The following FAM135B variants were observed in gnomAD, a reference collection of about 807,000 sequenced individuals.
The protein encoded by FAM135B is protein FAM135B.
FAM135B carries 43 observed loss-of-function variants against 127.7 expected under a neutral mutation model. The observed-to-expected ratio is 0.34, with a 90% CI of 0.26 to 0.43. FAM135B has a LOEUF of 0.43. Ranked by LOEUF, FAM135B falls within the 20% of genes least tolerant of loss-of-function variation. The pLI, the probability that FAM135B is intolerant of heterozygous loss-of-function variation, is 1.00. For missense variants in FAM135B, 1,558 were observed against 1,725.6 expected (o/e 0.90, Z 1.72); for synonymous variants, 670 against 665.1 (o/e 1.01, Z -0.11).
chr8:138,206,828 G>T (rs112522795), intron 7 of FAM135B, among the ~76,000 whole-genome samples: 22 of 25,576 alleles, frequency 8.6e-4, no homozygotes, highest in African/African-American at 1.7e-3. Context: ...CACAACTCCA[G>T]CATCCTCTCC....
chr8:138,272,649 C>T (rs1823471366), intron 3 of FAM135B, among the ~76,000 whole-genome samples: 1 of 152,236 alleles, frequency 6.6e-6, no homozygotes, highest in South Asian at 2.1e-4. Flanking sequence ...CTTGATAACA[C>T]TTTATTATCT....
intron 2 of FAM135B, among the ~76,000 whole-genome samples, chr8:138,330,223 T>G (rs915634220): frequency 6.6e-6 from 1 of 152,158 alleles, no homozygotes; most frequent in Non-Finnish European, 1.5e-5. Context: ...TAACCTGTAA[T>G]CAAAGTGTCG....
chr8:138,258,723 T>C (rs1367976618), intron 4 of FAM135B, among the ~76,000 whole-genome samples: 1 of 152,036 alleles, frequency 6.6e-6, no homozygotes, highest in Non-Finnish European at 1.5e-5. Flanking sequence ...TATTCCAGAA[T>C]GAAGTCACTG....
At chr8:138,275,862 G>C (rs1823783183) in intron 3 of FAM135B, among the ~76,000 whole-genome samples, 1 of 152,156 alleles carries the variant, frequency 6.6e-6, no homozygotes, top group Non-Finnish European at 1.5e-5. Flanking sequence ...GCTTTGTGCT[G>C]TATCCCGGCC....
At chr8:138,204,518 G>A (rs1003744989) in intron 7 of FAM135B, among the ~76,000 whole-genome samples, 6 of 152,172 alleles carry the variant, frequency 3.9e-5, no homozygotes, top group African/African-American at 1.2e-4. Context: ...GAATGAATGA[G>A]TGAGTCATAG....
chr8:138,314,898 A>C (rs1826965169), intron 2 of FAM135B, among the ~76,000 whole-genome samples: 1 of 150,412 alleles, frequency 6.6e-6, no homozygotes, highest in Non-Finnish European at 1.5e-5. Context: ...AAAAAAAAAA[A>C]AAAATTCGAA....
intron 2 of FAM135B, among the ~76,000 whole-genome samples, chr8:138,364,625 C>T (rs931131017): frequency 5.3e-5 from 8 of 152,140 alleles, no homozygotes; most frequent in Admixed American, 3.3e-4. Context: ...ATCTTCTGGG[C>T]GAGTGGTCTC....
At chr8:138,216,540 A>G (rs1586798766) in intron 7 of FAM135B, among the ~76,000 whole-genome samples, 1 of 152,222 alleles carries the variant, frequency 6.6e-6, no homozygotes, top group South Asian at 2.1e-4. Context: ...TGTCTGAGCC[A>G]GGAACATTCA....
chr8:138,351,827 CTA>C (rs1829804488), intron 2 of FAM135B, among the ~76,000 whole-genome samples: 1 of 151,694 alleles, frequency 6.6e-6, no homozygotes, highest in Non-Finnish European at 1.5e-5. Flanking sequence ...GTAGCTGGGA[CTA>C]CAGGCATGTG....
intron 1 of FAM135B, among the ~76,000 whole-genome samples, chr8:138,446,323 C>T (rs1211677502): frequency 6.6e-6 from 1 of 152,048 alleles, no homozygotes; most frequent in East Asian, 1.9e-4. Flanking sequence ...TCATATGGAA[C>T]CAAAAAAGAG....
At chr8:138,468,485 T>C (rs1278300539) in intron 1 of FAM135B, among the ~76,000 whole-genome samples, 1 of 149,286 alleles carries the variant, frequency 6.7e-6, no homozygotes, top group African/African-American at 2.4e-5. Flanking sequence ...CTTGATAAAC[T>C]TTCTTTATTT....
rs551768511 is a variant in FAM135B at position 138,411,976 on chromosome 8, T to C, written c.-19-43974A>G. ...ATTAATGCAGGAACAAAAAACCAAA[T>C]ACCGTATGTTCTCACTTATAAGTTG... On this transcript the variant is annotated intron_variant, in intron 1 of 19. Transcript: ENST00000395297. Among the ~76,000 whole-genome samples, 21 of 152,188 alleles carry C rather than the reference T, an allele frequency of 1.4e-4. 1 individual carries two copies. The South Asian group carries it at 3.7e-3, about 27-fold the overall frequency.
intron 7 of FAM135B, among the ~76,000 whole-genome samples, chr8:138,215,241 T>C (rs1300286192): frequency 6.6e-6 from 1 of 152,192 alleles, no homozygotes; most frequent in Non-Finnish European, 1.5e-5. Context: ...TTACCTTATC[T>C]GTAAAATGAG....
intron 11 of FAM135B, among the ~76,000 whole-genome samples, chr8:138,169,673 G>A (rs1336835884): frequency 6.6e-6 from 1 of 152,168 alleles, no homozygotes; most frequent in East Asian, 1.9e-4. Context: ...TTCTGGACCA[G>A]TTTTGGTTTT....
At chr8:138,257,289 CT>C (rs1429879451) in intron 4 of FAM135B, among the ~76,000 whole-genome samples, 1 of 152,156 alleles carries the variant, frequency 6.6e-6, no homozygotes, top group Non-Finnish European at 1.5e-5. Flanking sequence ...GGCGTCCCAG[CT>C]TCATAAGAAA....
chr8:138,361,559 A>G (rs1830424330), intron 2 of FAM135B, among the ~76,000 whole-genome samples: 2 of 152,210 alleles, frequency 1.3e-5, no homozygotes, highest in Non-Finnish European at 2.9e-5. Context: ...CACACTTTAC[A>G]TCTCTAACAT....
intron 2 of FAM135B, among the ~76,000 whole-genome samples, chr8:138,364,955 T>C (rs1830651834): frequency 6.6e-6 from 1 of 152,122 alleles, no homozygotes; most frequent in Non-Finnish European, 1.5e-5. Flanking sequence ...CAAGCAGTTC[T>C]CCTGCCTAGG....
intron 1 of FAM135B, among the ~76,000 whole-genome samples, chr8:138,425,090 T>G (rs944740359): frequency 3.3e-5 from 5 of 152,184 alleles, no homozygotes; most frequent in Non-Finnish European, 7.3e-5. Flanking sequence ...TGACTTAATT[T>G]CACCATTCAT....
intron 1 of FAM135B, among the ~76,000 whole-genome samples, chr8:138,442,050 G>A (rs1183530634): frequency 6.6e-6 from 1 of 151,452 alleles, no homozygotes; most frequent in Non-Finnish European, 1.5e-5. Context: ...TCCTTATGCA[G>A]CAGGCAAACG....
Sources: allele counts gnomAD v4.1 joint callset (sites outside exome capture counted in the v4.1 genomes callset), GRCh38; gene constraint gnomAD v4.1.1; transcripts MANE v1.5; gene names NCBI Gene and HGNC (gene_info 2026-07-23, HGNC 2026-07-21).